Variants in DIS3L2 observed in about 807,000 individuals in gnomAD.
DIS3L2 encodes the protein DIS3 like 3'-5' exoribonuclease 2.
In DIS3L2, 34 loss-of-function variants were observed where a neutral mutation model predicts 97.5. The observed-to-expected ratio is 0.35, with a 90% CI of 0.27 to 0.46. The LOEUF (loss-of-function observed/expected upper bound fraction) is 0.46. Ranked by LOEUF, DIS3L2 falls within the 20% of genes least tolerant of loss-of-function variation. The probability of loss-of-function intolerance (pLI) is 1.00; values close to 1 mark genes in which losing one functional copy is unlikely to be tolerated. For missense variants in DIS3L2, 1,038 were observed against 1,146.0 expected, an observed-to-expected ratio of 0.91 and a Z score of 1.36; for synonymous variants, 435 against 445.2, an observed-to-expected ratio of 0.98 and a Z score of 0.29.
intron 14 of DIS3L2, among the ~76,000 whole-genome samples, chr2:232,314,377 G>A (rs967807551): frequency 9.2e-5 from 14 of 152,058 alleles, no homozygotes; most frequent in Admixed American, 6.5e-4. Context: ...AATCCCTTTC[G>A]CTGAGACTTG....
intron 13 of DIS3L2, among the ~76,000 whole-genome samples, chr2:232,270,921 G>A (rs1378733152): frequency 9.6e-5 from 6 of 62,572 alleles, no homozygotes; most frequent in Admixed American, 3.3e-4. Flanking sequence ...TCTCTGTCTC[G>A]TCTCTCTCTC....
At chr2:232,055,333 A>G (rs568223865) in intron 5 of DIS3L2, among the ~76,000 whole-genome samples, 3 of 152,358 alleles carry the variant, frequency 2.0e-5, no homozygotes, top group African/African-American at 7.2e-5. Flanking sequence ...GAGAATTTAA[A>G]AGGCTGCTAC....
chr2:232,290,609 A>G (rs555553197), intron 13 of DIS3L2, among the ~76,000 whole-genome samples: 1 of 152,312 alleles, frequency 6.6e-6, no homozygotes, highest in South Asian at 2.1e-4. Flanking sequence ...AGCTCCAAAG[A>G]CAGACGTTTT....
At chr2:232,319,372 C>G (rs879697273) in intron 14 of DIS3L2, among the ~76,000 whole-genome samples, 7 of 152,238 alleles carry the variant, frequency 4.6e-5, no homozygotes, top group Non-Finnish European at 1.0e-4. Flanking sequence ...AACAGCCAAA[C>G]ATGGCACATG....
intron 3 of DIS3L2, among the ~76,000 whole-genome samples, chr2:232,019,623 G>A (rs903371474): frequency 6.6e-6 from 1 of 151,610 alleles, no homozygotes; most frequent in Non-Finnish European, 1.5e-5. Context: ...AAAGATGAGG[G>A]GAATAGATGT....
rs1035446252 is a variant in DIS3L2, at chr2:232,269,648, A to G, written c.1659+6208A>G. On this transcript the variant is annotated intron_variant, in intron 13 of 20. Coordinates refer to ENST00000325385, the MANE Select transcript of DIS3L2 (RefSeq NM_152383.5). This position sits in a 1 kb window ranked among gnomAD's most constrained non-coding sequence, Gnocchi z 4.5. ...GAAGTAGTGGGGCATTAGGCCTTCT[A>G]AAAGACTTGAGGGTCTAGCCAGGCT... Among the ~76,000 whole-genome samples the G allele has an allele frequency of 9.9e-5, 15 of 152,120 alleles. No homozygotes were observed. The highest frequency in any genetic ancestry group is 1.9e-4 in the East Asian group (1 of 5,172).
intron 9 of DIS3L2, among the ~76,000 whole-genome samples, chr2:232,168,893 G>C (rs1347309965): frequency 6.6e-6 from 1 of 152,060 alleles, no homozygotes; most frequent in Non-Finnish European, 1.5e-5. Context: ...TTCTTTGACT[G>C]GTTTTATGAT....
At chr2:232,148,742 T>A (rs1285198939) in intron 8 of DIS3L2, among the ~76,000 whole-genome samples, 2 of 120,712 alleles carry the variant, frequency 1.7e-5, no homozygotes, top group Non-Finnish European at 1.7e-5. Context: ...CTCCTTAATT[T>A]TCTTTCTTTT....
At chr2:232,065,587 A>G (rs1212765028) in intron 5 of DIS3L2, among the ~76,000 whole-genome samples, 1 of 143,660 alleles carries the variant, frequency 7.0e-6, no homozygotes, top group Non-Finnish European at 1.5e-5. Flanking sequence ...TCCTTCCTTA[A>G]TTACTGTAGC....
rs371942836 is a variant in DIS3L2, at chr2:232,322,875, CGATGGCCCAGCTGGCCTCCTTAAGTCTGT to C, written c.1740-6927_1740-6899del. Among the ~76,000 whole-genome samples, 1,225 of 152,352 alleles carry C rather than the reference CGATGGCCCAGCTGGCCTCCTTAAGTCTGT, an allele frequency of 8.0e-3. 12 individuals are homozygous for C. The highest frequency in any genetic ancestry group is 0.028 in the African/African-American group (1,154 of 41,584). ...CGAAGTCGATGCCTTCTTAAGTCTG[CGATGGCCCAGCTGGCCTCCTTAAGTCTGT>C]GATGGCCCAGTTCTGTTCTTGCTCC... On this transcript the variant is annotated intron_variant, in intron 14 of 20. Coordinates refer to ENST00000325385, the MANE Select transcript of DIS3L2 (RefSeq NM_152383.5).
At chr2:232,258,213 T>A (rs1181972114) in intron 12 of DIS3L2, among the ~76,000 whole-genome samples, 1 of 152,182 alleles carries the variant, frequency 6.6e-6, no homozygotes, top group Non-Finnish European at 1.5e-5. Flanking sequence ...TAATTTGACA[T>A]TCTGAACAGT....
chr2:232,049,248 AT>A (rs1695333383), intron 5 of DIS3L2, among the ~76,000 whole-genome samples: 1 of 152,092 alleles, frequency 6.6e-6, no homozygotes, highest in Non-Finnish European at 1.5e-5. Flanking sequence ...ATTTCTTAAG[AT>A]TGTTTTCTTT....
chr2:232,112,583 T>C (rs1451790092), intron 6 of DIS3L2, among the ~76,000 whole-genome samples: 3 of 152,112 alleles, frequency 2.0e-5, no homozygotes, highest in East Asian at 3.9e-4. Flanking sequence ...ATGAGTAGAC[T>C]CCTGTCCCAA....
chr2:232,310,177 A>G (rs1462151585), intron 14 of DIS3L2, among the ~76,000 whole-genome samples: 1 of 152,210 alleles, frequency 6.6e-6, no homozygotes, highest in Non-Finnish European at 1.5e-5. Context: ...GTTAGCTTGA[A>G]GAAGGCCTTT....
rs78962489 is a variant in DIS3L2 at position 232,174,972 on chromosome 2, G to A, written c.1124+11340G>A. ...AGCCTCTTACGTAGCTGGGACAACA[G>A]GGCGTGCCACCAAACCCAGCTAATT... On this transcript the variant is annotated intron_variant, in intron 9 of 20. Coordinates refer to ENST00000325385, the MANE Select transcript of DIS3L2 (RefSeq NM_152383.5). Among the ~76,000 whole-genome samples the A allele has an allele frequency of 9.3e-3, 1,411 of 152,188 alleles. 64 individuals carry two copies. The East Asian group carries it at 0.1, about 11-fold the overall frequency.
At chr2:232,202,841 G>T (rs1306116202) in intron 9 of DIS3L2, among the ~76,000 whole-genome samples, 1 of 152,236 alleles carries the variant, frequency 6.6e-6, no homozygotes, top group Non-Finnish European at 1.5e-5. Context: ...TGTGTGAGTA[G>T]AAGTGCGTGA....
At chr2:232,318,025 C>G (rs1213896310) in intron 14 of DIS3L2, among the ~76,000 whole-genome samples, 1 of 152,122 alleles carries the variant, frequency 6.6e-6, no homozygotes, top group Non-Finnish European at 1.5e-5. Flanking sequence ...CTGACTTTAG[C>G]AATACAAGAA....
intron 14 of DIS3L2, among the ~76,000 whole-genome samples, chr2:232,301,570 A>T (rs1265128675): frequency 2.0e-5 from 3 of 152,208 alleles, no homozygotes; most frequent in East Asian, 3.8e-4. Context: ...TACCTTCAAG[A>T]CATGATGACT....
intron 20 of DIS3L2, 82 bp from the exon 21 acceptor site, chr2:232,336,387 C>A (rs927415146): frequency 5.8e-6 from 9 of 1,551,504 alleles, no homozygotes; most frequent in African/African-American, 1.4e-5. Context: ...GGCCAGGGGT[C>A]CTGCTGCAGG....
Sources: allele counts gnomAD v4.1 joint callset (sites outside exome capture counted in the v4.1 genomes callset), GRCh38; gene constraint gnomAD v4.1.1; non-coding constraint Gnocchi (gnomAD v3.1); transcripts MANE v1.5; gene names NCBI Gene and HGNC (gene_info 2026-07-23, HGNC 2026-07-21).